PCDHA4: variants seen among roughly 807,000 people sequenced by gnomAD.
PCDHA4 encodes the protein protocadherin alpha-4.
PCDHA4 carries 49 observed loss-of-function variants against 61.4 expected under a neutral mutation model. That is an observed-to-expected ratio of 0.80 (90% confidence interval 0.63 to 1.01). The LOEUF (loss-of-function observed/expected upper bound fraction) is 1.01. Ranked by LOEUF, PCDHA4 falls within the 50% of genes least tolerant of loss-of-function variation. PCDHA4 has a pLI of 0.00. For synonymous variants in PCDHA4, 590 were observed against 550.3 expected, an observed-to-expected ratio of 1.07 and a Z score of -1.01; for missense variants, 1,254 against 1,235.8, an observed-to-expected ratio of 1.01 and a Z score of -0.22.
chr5:140,823,699 C>T lies in PCDHA4; in HGVS notation c.2385+14127C>T, dbSNP rs1377406671. The T allele has an allele frequency of 1.9e-6, 3 of 1,613,816 alleles. No homozygotes were observed. In the African/African-American group the frequency reaches 4.0e-5, roughly 22 times the overall value. ...ACGCTCTCTGGATGAGACCGAAGCA[C>T]CGCGCCACCGCCTTCTGGTGCTGGT... On this transcript the variant is annotated intron_variant, in intron 1 of 3. Coordinates refer to ENST00000530339, the MANE Select transcript of PCDHA4 (RefSeq NM_018907.4).
chr5:140,891,977 A>G (rs2063334150), intron 1 of PCDHA4, among the ~76,000 whole-genome samples: 1 of 152,206 alleles, frequency 6.6e-6, no homozygotes, highest in Non-Finnish European at 1.5e-5. Flanking sequence ...TTCCGTTCTC[A>G]TAAATTACTC....
Position 140,858,344 on chromosome 5 carries a change from G to A in PCDHA4, c.2385+48772G>A, listed in dbSNP as rs371621182. 1.0e-5 allele frequency: 16 copies of A among 1,595,144 alleles called. No homozygotes were observed. In the East Asian group the frequency reaches 3.6e-4, roughly 36 times the overall value. On this transcript the variant is annotated intron_variant, in intron 1 of 3. Coordinates refer to ENST00000530339, the MANE Select transcript of PCDHA4 (RefSeq NM_018907.4). Reference sequence around the variant, plus strand: ...TTCTGGGGAGGGCCTGCCCAAGGCGGACCTCATGGCCTTCAGCCCCAGCCT... The same window carrying A: ...TTCTGGGGAGGGCCTGCCCAAGGCGAACCTCATGGCCTTCAGCCCCAGCCT...
intron 1 of PCDHA4, among the ~76,000 whole-genome samples, chr5:140,961,335 A>G (rs548773476): frequency 1.6e-4 from 24 of 152,322 alleles, no homozygotes; most frequent in African/African-American, 5.8e-4. Context: ...TGAGAGACCA[A>G]GAGTGGATCC....
At chr5:140,994,809 C>G (rs1366407347) in intron 3 of PCDHA4, among the ~76,000 whole-genome samples, 1 of 152,016 alleles carries the variant, frequency 6.6e-6, no homozygotes, top group Non-Finnish European at 1.5e-5. Flanking sequence ...AAACAAAATA[C>G]AAAAAACTGA....
At chr5:140,819,076 G>C (rs1161309485) in intron 1 of PCDHA4, among the ~76,000 whole-genome samples, 3 of 152,068 alleles carry the variant, frequency 2.0e-5, no homozygotes, top group Non-Finnish European at 4.4e-5. Context: ...CATTATACAG[G>C]CAGCGCTAAG....
chr5:140,987,122 G>A (rs1054053197), intron 3 of PCDHA4, among the ~76,000 whole-genome samples: 2 of 151,858 alleles, frequency 1.3e-5, no homozygotes, highest in African/African-American at 4.8e-5. Context: ...GCTGAGGCAG[G>A]AGAATTGCTT....
intron 1 of PCDHA4, among the ~76,000 whole-genome samples, chr5:140,942,544 G>T (rs546340510): frequency 1.6e-4 from 24 of 152,000 alleles, no homozygotes; most frequent in Non-Finnish European, 2.9e-4. Context: ...TATGGTGGGG[G>T]GTAGGGGGTT....
chr5:140,833,567 T>C (rs912727742), intron 1 of PCDHA4, among the ~76,000 whole-genome samples: 2 of 152,176 alleles, frequency 1.3e-5, no homozygotes, highest in Non-Finnish European at 2.9e-5. Flanking sequence ...AAATATAAAA[T>C]GATGAACTCC....
intron 1 of PCDHA4, among the ~76,000 whole-genome samples, chr5:140,908,155 G>T (rs559304647): frequency 2.0e-5 from 3 of 152,194 alleles, no homozygotes; most frequent in African/African-American, 4.8e-5. Flanking sequence ...TCCTAGGAAG[G>T]GGCTGTAGTG....
At chr5:140,927,172 G>A (rs782548172) in intron 1 of PCDHA4, 7 of 1,614,034 alleles carry the variant, frequency 4.3e-6, no homozygotes, top group East Asian at 4.5e-5. Context: ...AGCTGCCTGC[G>A]TCTTGACCTA....
At chr5:140,891,040 C>G (rs2062916193) in intron 1 of PCDHA4, among the ~76,000 whole-genome samples, 1 of 144,978 alleles carries the variant, frequency 6.9e-6, no homozygotes, top group Admixed American at 6.6e-5. Context: ...TTAGGTGTGA[C>G]CCCCACAGCA....
At chr5:140,871,564 C>A (rs782409405) in intron 1 of PCDHA4, 7 of 1,482,594 alleles carry the variant, frequency 4.7e-6, no homozygotes, top group Non-Finnish European at 6.3e-6. Context: ...TTTTTTTTCA[C>A]GGATTTTTTA....
intron 1 of PCDHA4, chr5:140,882,711 C>T (rs1554175311): frequency 6.2e-7 from 1 of 1,614,160 alleles, no homozygotes; most frequent in Non-Finnish European, 8.5e-7. Context: ...TCTAGACCTC[C>T]GGAAACTCGA....
intron 1 of PCDHA4, chr5:140,821,942 C>T (rs2150112175): frequency 1.9e-6 from 3 of 1,614,132 alleles, no homozygotes; most frequent in Admixed American, 1.7e-5. Flanking sequence ...CTGGAGCTGG[C>T]GGAGCTGGTG....
chr5:140,877,463 C>T (rs782373755), intron 1 of PCDHA4: 1 of 1,613,772 alleles, frequency 6.2e-7, no homozygotes, highest in East Asian at 2.2e-5. Flanking sequence ...TCCACGGCCA[C>T]GGTGCTGGTG....
At chr5:140,870,125 A>G (rs782777018) in intron 1 of PCDHA4, 29 of 1,613,792 alleles carry the variant, frequency 1.8e-5, no homozygotes, top group African/African-American at 2.7e-5. Flanking sequence ...GAAATCTTGG[A>G]CACCAACGAT....
chr5:140,938,468 A>G (rs1427570517), intron 1 of PCDHA4, among the ~76,000 whole-genome samples: 1 of 152,096 alleles, frequency 6.6e-6, no homozygotes, highest in African/African-American at 2.4e-5. Context: ...TTAATTTATT[A>G]TGTTTTTTAA....
intron 1 of PCDHA4, chr5:140,836,073 G>A: frequency 1.2e-6 from 2 of 1,613,652 alleles, no homozygotes; most frequent in Non-Finnish European, 1.7e-6. Context: ...CAACGCGCCG[G>A]CACTGCTGGC....
intron 1 of PCDHA4, chr5:140,841,998 T>C (rs2150327142): frequency 6.2e-7 from 1 of 1,613,848 alleles, no homozygotes; most frequent in South Asian, 1.1e-5. Flanking sequence ...ACAGGCACTG[T>C]TCAGCTGCTG....
Sources: allele counts gnomAD v4.1 joint callset (sites outside exome capture counted in the v4.1 genomes callset), GRCh38; gene constraint gnomAD v4.1.1; transcripts MANE v1.5; gene names NCBI Gene and HGNC (gene_info 2026-07-23, HGNC 2026-07-21).